The following GNG7 variants were observed in gnomAD, a reference collection of about 807,000 sequenced individuals.
GNG7 encodes G protein subunit gamma 7, also known as guanine nucleotide-binding protein G(I)/G(S)/G(O) subunit gamma-7.
A neutral mutation model predicts 4.0 loss-of-function variants in GNG7; 1 was observed. That is an observed-to-expected ratio of 0.25 (90% confidence interval 0.09 to 1.18). The LOEUF (loss-of-function observed/expected upper bound fraction) is 1.18, where lower values mean the gene tolerates loss of function less well. Ranked by LOEUF, GNG7 falls within the 50% of genes most tolerant of loss-of-function variation. GNG7 has a pLI of 0.50. For missense variants in GNG7, 86 were observed against 91.9 expected, an observed-to-expected ratio of 0.94 and a Z score of 0.26; for synonymous variants, 34 against 36.9, an observed-to-expected ratio of 0.92 and a Z score of 0.29.
chr19:2,602,479 A>G (rs1382897387), intron 2 of GNG7, among the ~76,000 whole-genome samples: 2 of 152,208 alleles, frequency 1.3e-5, no homozygotes, highest in Non-Finnish European at 2.9e-5. Context: ...AGGAGCTGCC[A>G]GCAGACAGGA....
intron 2 of GNG7, among the ~76,000 whole-genome samples, chr19:2,640,076 AGGAG>A (rs1290689916): frequency 1.6e-5 from 1 of 63,670 alleles, no homozygotes; most frequent in Non-Finnish European, 3.0e-5. Context: ...GAGAGAGGGA[AGGAG>A]GGAGGGAGGA....
chr19:2,550,256 C>T lies in GNG7; in HGVS notation c.-38+4893G>A, dbSNP rs890139067. Among the ~76,000 whole-genome samples the T allele has an allele frequency of 5.3e-5, 8 of 152,126 alleles. No individual in the cohort carries two copies. The East Asian group carries it at 5.8e-4, about 11-fold the overall frequency. The stretch of plus-strand genomic sequence containing the variant: ...ATTTTGAGACGGAGTCTTGCTCTGT[C>T]GCCGAGGCTGGAGTGCAGTGGCGCA... On this transcript the variant is annotated intron_variant, in intron 3 of 4. Transcript: ENST00000382159.
chr19:2,596,077 G>A (rs1038173051), intron 2 of GNG7, among the ~76,000 whole-genome samples: 2 of 151,860 alleles, frequency 1.3e-5, no homozygotes, highest in African/African-American at 2.4e-5. Flanking sequence ...ACTAGTGGGC[G>A]GCCGGGCGCG....
At chr19:2,573,828 G>A (rs10424316) in intron 2 of GNG7, among the ~76,000 whole-genome samples, 49,384 of 151,996 alleles carry the variant, frequency 0.32, 10,308 homozygotes, top group African/African-American at 0.6. Context: ...GGGTGACAGA[G>A]CAAGACTCCA....
chr19:2,559,351 C>CTTTTT (rs551861647), intron 2 of GNG7, among the ~76,000 whole-genome samples: 1 of 130,256 alleles, frequency 7.7e-6, no homozygotes, highest in South Asian at 2.4e-4. Context: ...TTCTGTGTGT[C>CTTTTT]TTTTTTTTTT....
chr19:2,606,157 T>A (rs1389501773), intron 2 of GNG7, among the ~76,000 whole-genome samples: 2 of 152,046 alleles, frequency 1.3e-5, no homozygotes, highest in Admixed American at 1.3e-4. Context: ...GGTGGGTGGA[T>A]TGCTTGAGCC....
chr19:2,628,359 C>G (rs1470826931), intron 2 of GNG7, among the ~76,000 whole-genome samples: 1 of 152,078 alleles, frequency 6.6e-6, no homozygotes, highest in Non-Finnish European at 1.5e-5. Context: ...CCCTGTTTAC[C>G]TACTGGCTGT....
chr19:2,538,245 C>G (rs1335628831), intron 3 of GNG7: 1 of 456,688 alleles, frequency 2.2e-6, no homozygotes, highest in East Asian at 6.9e-5. Context: ...GAAAGCCGTG[C>G]TGAGTGGCCC....
chr19:2,523,518 T>A (rs1978320864), intron 3 of GNG7, among the ~76,000 whole-genome samples: 1 of 151,932 alleles, frequency 6.6e-6, no homozygotes, highest in African/African-American at 2.4e-5. Flanking sequence ...TGAGACCCCA[T>A]CTCTGAATAA....
intron 1 of GNG7, among the ~76,000 whole-genome samples, chr19:2,670,880 G>C (rs530500724): frequency 6.6e-6 from 1 of 152,220 alleles, no homozygotes; most frequent in African/African-American, 2.4e-5. Context: ...CCCACAAAGA[G>C]ACGGCGTCCC....
rs1568242587 is a variant in GNG7, at chr19:2,557,356, GACA to G, written c.-77-2171_-77-2169del. ...AGACACACACATGTGCACACACACA[GACA>G]CACACACACGTGCACGCACACATGC... On this transcript the variant is annotated intron_variant, in intron 2 of 4. Transcript: ENST00000382159. The surrounding 1 kb of genome is among the most constrained non-coding windows in gnomAD (Gnocchi z 5.1). Among the ~76,000 whole-genome samples the G allele has an allele frequency of 6.4e-5, 6 of 94,022 alleles. No homozygotes were observed. Among genetic ancestry groups the G allele is most frequent in the Admixed American group, 3.9e-4 (4 of 10,132 alleles). 61.7% of individuals were successfully genotyped at this position (94,022 alleles called of 152,430 possible). A position where few individuals can be genotyped will look rare whatever the true frequency, so the allele number is the denominator to read the frequency against.
At chr19:2,525,737 A>T (rs1426900474) in intron 3 of GNG7, among the ~76,000 whole-genome samples, 1 of 152,166 alleles carries the variant, frequency 6.6e-6, no homozygotes, top group African/African-American at 2.4e-5. Flanking sequence ...AAAAGAAATA[A>T]AAATCTACAT....
intron 3 of GNG7, among the ~76,000 whole-genome samples, chr19:2,547,388 T>C (rs1231858208): frequency 6.6e-6 from 1 of 151,936 alleles, no homozygotes; most frequent in Non-Finnish European, 1.5e-5. Flanking sequence ...CGCCTAGAGG[T>C]GCCCGTATCC....
intron 1 of GNG7, among the ~76,000 whole-genome samples, chr19:2,654,280 C>T (rs905083078): frequency 6.6e-6 from 1 of 152,116 alleles, no homozygotes. Context: ...CCACCTTCCC[C>T]GGGTTCCCAG....
chr19:2,542,797 G>C (rs1599381592), intron 3 of GNG7, among the ~76,000 whole-genome samples: 1 of 151,768 alleles, frequency 6.6e-6, no homozygotes, highest in Middle Eastern at 3.4e-3. Flanking sequence ...GCCCAGGACA[G>C]CTTCAGCTCT....
rs1980914061 is a variant in GNG7, at chr19:2,593,548, A to G, written c.-77-38360T>C. On this transcript the variant is annotated intron_variant, in intron 2 of 4. Transcript: ENST00000382159. ...CACCTGAGGTCAGAAGTTCGAGACC[A>G]GCCCGGGCAACAAGGCGAAACCTCG... Among the ~76,000 whole-genome samples, 6 of 152,164 alleles carry G rather than the reference A, an allele frequency of 3.9e-5. No homozygotes were observed. The South Asian group carries it at 1.2e-3, about 32-fold the overall frequency.
At chr19:2,528,783 G>C (rs8112778) in intron 3 of GNG7, among the ~76,000 whole-genome samples, 3 of 152,176 alleles carry the variant, frequency 2.0e-5, no homozygotes, top group Non-Finnish European at 2.9e-5. Context: ...GGAATTCTCA[G>C]AGGGACACTC....
At chr19:2,674,857 C>CCGACTCCAT (rs1216423438) in intron 1 of GNG7, among the ~76,000 whole-genome samples, 1 of 152,168 alleles carries the variant, frequency 6.6e-6, no homozygotes, top group Non-Finnish European at 1.5e-5. Flanking sequence ...CTCGACAGCG[C>CCGACTCCAT]CGACTCCATC....
intron 2 of GNG7, among the ~76,000 whole-genome samples, chr19:2,569,686 G>T (rs1980087199): frequency 6.6e-6 from 1 of 152,166 alleles, no homozygotes. Flanking sequence ...GTTCTCTGGG[G>T]TGGAGCCATC....
Sources: allele counts gnomAD v4.1 joint callset (sites outside exome capture counted in the v4.1 genomes callset), GRCh38; gene constraint gnomAD v4.1.1; non-coding constraint Gnocchi (gnomAD v3.1); transcripts MANE v1.5; gene names NCBI Gene and HGNC (gene_info 2026-07-23, HGNC 2026-07-21).